Variants in SPIDR observed in about 807,000 individuals in gnomAD.
SPIDR encodes DNA repair-scaffolding protein.
In SPIDR, 93 loss-of-function variants were observed where a neutral mutation model predicts 104.6. The ratio of observed to expected loss-of-function variants is 0.89; its 90% confidence interval spans 0.75 to 1.06. The LOEUF is 1.06. Among genes scored for constraint, SPIDR ranks in the 50% least tolerant of loss-of-function variants. The pLI, the probability that SPIDR is intolerant of heterozygous loss-of-function variation, is 0.00. For missense variants in SPIDR, 1,154 were observed against 1,111.2 expected, an observed-to-expected ratio of 1.04 and a Z score of -0.55; for synonymous variants, 431 against 416.9, an observed-to-expected ratio of 1.03 and a Z score of -0.41.
intron 10 of SPIDR, among the ~76,000 whole-genome samples, chr8:47,656,556 C>G (rs1184823083): frequency 2.0e-5 from 3 of 152,214 alleles, no homozygotes; most frequent in Non-Finnish European, 4.4e-5. Context: ...TGGCACACTA[C>G]TAGTGAGAAT....
chr8:47,729,548 C>A, intron 19 of SPIDR, 83 bp downstream of exon 19: 1 of 1,479,374 alleles, frequency 6.8e-7, no homozygotes, highest in South Asian at 1.2e-5. Flanking sequence ...GCCCCCACTC[C>A]CAAATGTGTT....
At chr8:47,313,557 A>C (rs587610909) in intron 5 of SPIDR, among the ~76,000 whole-genome samples, 1 of 152,304 alleles carries the variant, frequency 6.6e-6, no homozygotes, top group Admixed American at 6.5e-5. Context: ...AATTGGAAAA[A>C]ACTACTTTAA....
At chr8:47,601,006 T>C (rs1197783368) in intron 10 of SPIDR, among the ~76,000 whole-genome samples, 1 of 152,220 alleles carries the variant, frequency 6.6e-6, no homozygotes, top group Non-Finnish European at 1.5e-5. Context: ...TTTACTTGTT[T>C]AGCAAAGAGA....
intron 8 of SPIDR, among the ~76,000 whole-genome samples, chr8:47,536,055 T>C: frequency 6.6e-6 from 1 of 150,684 alleles, no homozygotes; most frequent in East Asian, 2.0e-4. Flanking sequence ...CCATTTACAT[T>C]TGCATCAAAA....
chr8:47,543,066 A>G (rs2154393239), intron 8 of SPIDR, among the ~76,000 whole-genome samples: 1 of 152,294 alleles, frequency 6.6e-6, no homozygotes, highest in South Asian at 2.1e-4. Flanking sequence ...GGGGTATATC[A>G]GTTTGTTTAA....
intron 8 of SPIDR, among the ~76,000 whole-genome samples, chr8:47,482,581 A>G (rs1163743591): frequency 6.6e-6 from 1 of 152,160 alleles, no homozygotes; most frequent in Non-Finnish European, 1.5e-5. Context: ...TCTTTTCCTC[A>G]TCCTACTACC....
At chr8:47,575,466 AC>A (rs1367427600) in intron 8 of SPIDR, among the ~76,000 whole-genome samples, 1 of 149,568 alleles carries the variant, frequency 6.7e-6, no homozygotes. Flanking sequence ...ACACGGTGAA[AC>A]CCCGTCTCTA....
intron 8 of SPIDR, among the ~76,000 whole-genome samples, chr8:47,548,190 TAAACTA>T (rs2089787486): frequency 6.6e-6 from 1 of 152,210 alleles, no homozygotes; most frequent in South Asian, 2.1e-4. Context: ...GCTTTTGCCT[TAAACTA>T]AAACTCAATA....
chr8:47,285,443 A>G (rs1554562424), intron 3 of SPIDR, among the ~76,000 whole-genome samples: 1 of 152,220 alleles, frequency 6.6e-6, no homozygotes, highest in Non-Finnish European at 1.5e-5. Flanking sequence ...GGCACACATT[A>G]CAAAAGCATG....
At chr8:47,288,936 C>T (rs1340954573) in intron 3 of SPIDR, among the ~76,000 whole-genome samples, 2 of 152,034 alleles carry the variant, frequency 1.3e-5, no homozygotes, top group African/African-American at 4.8e-5. Context: ...TGACATACAT[C>T]TGGTATATTG....
chr8:47,476,588 T>G (rs1404990589), intron 8 of SPIDR, among the ~76,000 whole-genome samples: 1 of 152,032 alleles, frequency 6.6e-6, no homozygotes, highest in Non-Finnish European at 1.5e-5. Flanking sequence ...CCTCACCACC[T>G]CCGAGACTCC....
chr8:47,402,803 A>G (rs1554664229), intron 6 of SPIDR, among the ~76,000 whole-genome samples: 1 of 152,238 alleles, frequency 6.6e-6, no homozygotes, highest in African/African-American at 2.4e-5. Flanking sequence ...ATTACTTCTG[A>G]AACTATTCCA....
intron 5 of SPIDR, among the ~76,000 whole-genome samples, chr8:47,393,065 G>C (rs575315119): frequency 6.6e-6 from 1 of 152,144 alleles, no homozygotes; most frequent in East Asian, 1.9e-4. Context: ...TTCACATCCT[G>C]ATTCTCATGA....
At chr8:47,450,380 A>G (rs949745239) in intron 8 of SPIDR, among the ~76,000 whole-genome samples, 2 of 152,148 alleles carry the variant, frequency 1.3e-5, no homozygotes, top group Non-Finnish European at 2.9e-5. Flanking sequence ...ACATAAATCC[A>G]TTCAGGAAGG....
intron 10 of SPIDR, among the ~76,000 whole-genome samples, chr8:47,654,351 C>T (rs2072286069): frequency 1.3e-5 from 2 of 152,118 alleles, no homozygotes; most frequent in South Asian, 2.1e-4. Context: ...AAAGGTGATG[C>T]GGAGGGAAAA....
chr8:47,685,513 A>ATTTTTTTTTTTTTTTTTTTTT (rs376980650), intron 11 of SPIDR, among the ~76,000 whole-genome samples: 2 of 120,972 alleles, frequency 1.7e-5, no homozygotes, highest in Non-Finnish European at 3.7e-5. Context: ...TTATTTATTT[A>ATTTTTTTTTTTTTTTTTTTTT]TTTATTTTTT....
Position 47,595,923 on chromosome 8 carries a change from G to T in SPIDR, c.1210G>T (p.Asp404Tyr). The T allele has an allele frequency of 6.2e-7, 1 of 1,614,130 alleles. No individual in the cohort carries two copies. The highest frequency in any genetic ancestry group is 8.5e-7 in the Non-Finnish European group (1 of 1,180,024). Residue 404 changes from aspartate (D) to tyrosine (Y), a missense_variant, in exon 9 of 20, where the codon GAC becomes TAC. Coordinates refer to ENST00000297423, the MANE Select transcript of SPIDR (RefSeq NM_001080394.4). The part of the protein sequence containing the change: ...SEKTCEVYCP[D>Y]IPLPRRSISL... ...AAAAACTTGTGAAGTGTACTGTCCG[G>T]ACATACCCCTTCCAAGAAGAAGCAT...
intron 8 of SPIDR, among the ~76,000 whole-genome samples, chr8:47,517,243 C>T (rs1201076849): frequency 6.6e-6 from 1 of 152,138 alleles, no homozygotes; most frequent in Non-Finnish European, 1.5e-5. Context: ...GTCTCGACCT[C>T]CCAAAGTTCT....
At chr8:47,644,506 A>G (rs896765745) in intron 10 of SPIDR, among the ~76,000 whole-genome samples, 2 of 152,212 alleles carry the variant, frequency 1.3e-5, no homozygotes, top group Non-Finnish European at 2.9e-5. Flanking sequence ...AATGAACAAA[A>G]CAGACAAGGG....
Sources: allele counts gnomAD v4.1 joint callset (sites outside exome capture counted in the v4.1 genomes callset), GRCh38; gene constraint gnomAD v4.1.1; transcripts MANE v1.5; gene names NCBI Gene and HGNC (gene_info 2026-07-23, HGNC 2026-07-21).